GANAB: variants seen among roughly 807,000 people sequenced by gnomAD.
GANAB encodes the protein glucosidase II alpha subunit.
In GANAB, 35 loss-of-function variants were observed where a neutral mutation model predicts 129.9. The observed-to-expected ratio is 0.27, with a 90% CI of 0.21 to 0.36. GANAB has a LOEUF of 0.36. Among genes scored for constraint, GANAB ranks in the 10% least tolerant of loss-of-function variants. GANAB has a pLI of 1.00. For synonymous variants in GANAB, 482 were observed against 451.8 expected, an observed-to-expected ratio of 1.07 and a Z score of -0.85; for missense variants, 939 against 1,221.0, an observed-to-expected ratio of 0.77 and a Z score of 3.44.
rs750867994 is a variant in GANAB at position 62,630,220 on chromosome 11, T to A, written c.1570A>T (p.Met524Leu). The change falls in exon 13 of 24, where the codon ATG becomes TTG. Residue 524 changes from methionine (M) to leucine (L), a missense_variant. Physicochemically the swap from Met to Leu is conservative, Grantham distance 15 (BLOSUM62 2). Transcript: ENST00000356638. Reference sequence around the variant, plus strand: ...ACCTCATAATTGTCATAGCTGAACATGTTAGCCCACCAGGCCCTCATCGTG... The same window carrying A: ...ACCTCATAATTGTCATAGCTGAACAAGTTAGCCCACCAGGCCCTCATCGTG... ...NPTMRAWWAN[M>L]FSYDNYEGSA... 6.2e-7 allele frequency: 1 copy of A among 1,613,086 alleles called. No homozygotes were observed. The highest frequency in any genetic ancestry group is 8.5e-7 in the Non-Finnish European group (1 of 1,179,318).
At position 62,630,751 on chromosome 11, in the gene GANAB, C is replaced by G; in HGVS notation, c.1236G>C (p.Val412=). The G allele has an allele frequency of 6.2e-7, 1 of 1,614,106 alleles. No homozygotes were observed. Among genetic ancestry groups the G allele is most frequent in the South Asian group, 1.1e-5 (1 of 91,078 alleles). The change falls in exon 11 of 24, where the codon GTG becomes GTC. Residue 412 remains valine (V), a synonymous_variant. Coordinates refer to ENST00000356638, the MANE Select transcript of GANAB (RefSeq NM_198334.3). ...NYRDEADVLE[V]DQGFDDHNLP... ...GGTTGTGATCATCAAAGCCCTGATC[C>G]ACTTCCAGCACATCAGCCTCGTCCC...
rs946637635 is a variant in GANAB, at chr11:62,631,026, G to A, written c.1150+4C>T. ...AGAAGAATGAGGCAGGGAAAACCAT[G>A]TACCTGTGAGACTAGCATATTGCCG... On this transcript the variant is annotated splice_donor_region_variant and intron_variant, in intron 10 of 23. Coordinates refer to ENST00000356638, the MANE Select transcript of GANAB (RefSeq NM_198334.3). 6.3e-7 allele frequency: 1 copy of A among 1,595,774 alleles called. No homozygotes were observed. Among genetic ancestry groups the A allele is most frequent in the Non-Finnish European group, 8.6e-7 (1 of 1,165,032 alleles).
chr11:62,635,189 C>CTT (rs542351323), intron 4 of GANAB, among the ~76,000 whole-genome samples, 189 bp from the exon 5 acceptor site: 1 of 145,326 alleles, frequency 6.9e-6, no homozygotes. Context: ...TTACTTTTTT[C>CTT]TTTTTTTTTT....
chr11:62,639,528 T>C, intron 2 of GANAB, 61 bp from the exon 3 acceptor site: 2 of 1,458,680 alleles, frequency 1.4e-6, no homozygotes, highest in Non-Finnish European at 9.6e-7. Context: ...TAAGTCAGTC[T>C]ATCACCTGCA....
chr11:62,642,560 G>A (rs995823406), intron 1 of GANAB, among the ~76,000 whole-genome samples: 8 of 151,580 alleles, frequency 5.3e-5, no homozygotes, highest in Admixed American at 3.3e-4. Flanking sequence ...TCAGCCTCCC[G>A]AGCAGCTGGG....
chr11:62,629,012 G>A lies in GANAB; in HGVS notation c.1937C>T (p.Ala646Val), dbSNP rs777894059. 11 of 1,611,846 alleles carry A rather than the reference G, an allele frequency of 6.8e-6. No homozygotes were observed. Among genetic ancestry groups the A allele is most frequent in the East Asian group, 2.2e-5 (1 of 44,812 alleles). ...LGLVGLSFCG[A>V]DVGGFFKNPE... is the part of the protein sequence containing the mutation. ...GTTTTTGAAGAAGCCACCCACATCCGCTGGTAGAGGAGAGAGAGGAAGCAG... is the reference window on the plus strand; with the variant it reads ...GTTTTTGAAGAAGCCACCCACATCCACTGGTAGAGGAGAGAGAGGAAGCAG... The change falls in exon 17 of 24, where the codon GCG becomes GTG. Residue 646 changes from alanine to valine, a missense_variant and splice_region_variant. Coordinates refer to ENST00000356638, the MANE Select transcript of GANAB (RefSeq NM_198334.3).
rs941934948 is a variant in GANAB, at chr11:62,635,128, C to A, written c.381-128G>T. 52 of 601,302 alleles carry A rather than the reference C, an allele frequency of 8.6e-5. No individual in the cohort carries two copies. The Middle Eastern group carries it at 1.7e-3, about 19-fold the overall frequency. The allele number at this position is 601,302 out of a possible 1,614,324, so 37.2% of individuals were successfully genotyped here. A position where few individuals can be genotyped will look rare whatever the true frequency, so the allele number is the denominator to read the frequency against. On this transcript the variant is annotated intron_variant, in intron 4 of 23. Coordinates refer to ENST00000356638, the MANE Select transcript of GANAB (RefSeq NM_198334.3). The stretch of plus-strand genomic sequence containing the variant: ...AGTGTGGTAACAGAGCAGGGATAGA[C>A]AAGTTAATAAACAGAACCAAAGGGC...
Position 62,626,704 on chromosome 11 carries a change from A to G in GANAB, c.2398-20T>C, listed in dbSNP as rs2134457877. 6.5e-7 allele frequency: 1 copy of G among 1,528,358 alleles called. No homozygotes were observed. Among genetic ancestry groups the G allele is most frequent in the Non-Finnish European group, 9.0e-7 (1 of 1,111,798 alleles). 94.7% of individuals were successfully genotyped at this position (1,528,358 alleles called of 1,614,324 possible). ...AGGGATCTAGGGCAAGAGCAATGCC[A>G]GGATGAAGTTGCCCCCTTGTCCAAC... On this transcript the variant is annotated intron_variant, in intron 20 of 23. Coordinates refer to ENST00000356638, the MANE Select transcript of GANAB (RefSeq NM_198334.3).
chr11:62,626,939 G>A lies in GANAB; in HGVS notation c.2323-5C>T, dbSNP rs1943411631. 3 of 1,609,044 alleles carry A rather than the reference G, an allele frequency of 1.9e-6. No homozygotes were observed. The highest frequency in any genetic ancestry group is 2.2e-5 in the South Asian group (2 of 91,000). On this transcript the variant is annotated splice_polypyrimidine_tract_variant and splice_region_variant and intron_variant, in intron 19 of 23. Coordinates refer to ENST00000356638, the MANE Select transcript of GANAB (RefSeq NM_198334.3). Reference sequence around the variant, plus strand: ...GCTTTGAATGTCATACCACACCTGTGAGTGACAAAAGAGGTAAGATACCGG... The same window carrying A: ...GCTTTGAATGTCATACCACACCTGTAAGTGACAAAAGAGGTAAGATACCGG...
intron 5 of GANAB, chr11:62,633,959 A>T: frequency 2.9e-6 from 1 of 349,842 alleles, no homozygotes; most frequent in Non-Finnish European, 5.3e-6. Flanking sequence ...ATACATAGGG[A>T]CTTCAAGAGA....
rs1418376552 is a variant in GANAB, at chr11:62,624,923, C to G, written c.*892G>C. On this transcript the variant is annotated 3_prime_UTR_variant, in exon 24 of 24. Transcript: ENST00000356638. ...AAAAAAAATACCCACAAATATTCCCCGACTCCCCATTAGTCCTCCCCCAAC... is the reference window on the plus strand; with the variant it reads ...AAAAAAAATACCCACAAATATTCCCGGACTCCCCATTAGTCCTCCCCCAAC... The G allele has an allele frequency of 2.4e-5, 6 of 247,384 alleles. No homozygotes were observed. Among genetic ancestry groups the G allele is most frequent in the Non-Finnish European group, 4.0e-5 (5 of 125,120 alleles). The allele number at this position is 247,384 out of a possible 1,614,324, so 15.3% of individuals were successfully genotyped here.
intron 4 of GANAB, among the ~76,000 whole-genome samples, chr11:62,635,624 T>C (rs1943908942): frequency 6.6e-6 from 1 of 151,566 alleles, no homozygotes; most frequent in Non-Finnish European, 1.5e-5. Flanking sequence ...AAAAATGATG[T>C]ACTTCTTTTT....
chr11:62,629,698 G>A lies in GANAB; in HGVS notation c.1738-14C>T. 2 of 1,609,416 alleles carry A rather than the reference G, an allele frequency of 1.2e-6. No homozygotes were observed. The highest frequency in any genetic ancestry group is 1.7e-6 in the Non-Finnish European group (2 of 1,176,224). On this transcript the variant is annotated splice_polypyrimidine_tract_variant and intron_variant, in intron 14 of 23. Transcript: ENST00000356638. ...AGTCGCCATGTGCTGGGTGAGGAGA[G>A]AAGAGACGGGTAGTGAGGAGCAAAA...
At position 62,630,590 on chromosome 11, in the gene GANAB, C is replaced by A. The variant is rs758406127; in HGVS notation, c.1386+11G>T. The A allele has an allele frequency of 6.2e-7, 1 of 1,610,834 alleles. No homozygotes were observed. Among genetic ancestry groups the A allele is most frequent in the Non-Finnish European group, 8.5e-7 (1 of 1,177,338 alleles). On this transcript the variant is annotated intron_variant, in intron 11 of 23. Transcript: ENST00000356638. ...ACCCTGAGAAGACCAAGCGTGACTG[C>A]AACCCCTTACCTTCCGCCTCTTAGA...
intron 1 of GANAB, among the ~76,000 whole-genome samples, chr11:62,643,996 G>C (rs141820672): frequency 6.6e-6 from 1 of 152,186 alleles, no homozygotes; most frequent in Non-Finnish European, 1.5e-5. Context: ...CCATGCTGGA[G>C]TGCAATGGCA....
chr11:62,627,429 C>A, intron 17 of GANAB, 76 bp from the exon 18 acceptor site: 1 of 825,564 alleles, frequency 1.2e-6, no homozygotes, highest in South Asian at 1.4e-5. Context: ...CAGGAACTGG[C>A]AATAAGAAAA....
chr11:62,640,423 C>T (rs1230926773), intron 1 of GANAB, among the ~76,000 whole-genome samples: 1 of 147,656 alleles, frequency 6.8e-6, no homozygotes, highest in Non-Finnish European at 1.5e-5. Flanking sequence ...GTCCCAGCTA[C>T]TTGGGAGGCT....
chr11:62,637,848 C>T (rs967974184), intron 4 of GANAB, among the ~76,000 whole-genome samples: 6 of 150,972 alleles, frequency 4.0e-5, no homozygotes, highest in African/African-American at 1.2e-4. Flanking sequence ...TCCTGGCTAA[C>T]GCAGATCACG....
rs548130698 is a variant in GANAB at position 62,626,253 on chromosome 11, G to A, written c.2624+82C>T. ...GACCCAAAGCAAGGTCAGAATGTGA[G>A]AAAAGAGCACAGTGAACTGGGAGCC... is the stretch of plus-strand genomic sequence containing the variant. On this transcript the variant is annotated intron_variant, in intron 22 of 23. Coordinates refer to ENST00000356638, the MANE Select transcript of GANAB (RefSeq NM_198334.3). 340 of 1,346,600 alleles carry A rather than the reference G, an allele frequency of 2.5e-4. No individual in the cohort carries two copies. The African/African-American group carries it at 2.7e-3, about 11-fold the overall frequency. The allele number at this position is 1,346,600 out of a possible 1,614,324, so 83.4% of individuals were successfully genotyped here.
Sources: allele counts gnomAD v4.1 joint callset (sites outside exome capture counted in the v4.1 genomes callset), GRCh38; gene constraint gnomAD v4.1.1; transcripts MANE v1.5; gene names NCBI Gene and HGNC (gene_info 2026-07-23, HGNC 2026-07-21).